Variants in RADIL observed in about 807,000 individuals in gnomAD.
RADIL encodes Rap associating with DIL domain, also known as ras-associating and dilute domain-containing protein.
A neutral mutation model predicts 97.6 loss-of-function variants in RADIL; 99 were observed. The ratio of observed to expected loss-of-function variants is 1.01; its 90% CI spans 0.86 to 1.20. The LOEUF is 1.20. Among genes scored for constraint, RADIL ranks in the 50% most tolerant of loss-of-function variants. RADIL has a pLI of 0.00. For missense variants in RADIL, 1,765 were observed against 1,498.9 expected (o/e 1.18, Z -2.93); for synonymous variants, 803 against 691.8 (o/e 1.16, Z -2.52).
In RADIL at chr7:4,878,107, C is replaced by T. The variant is rs772641809; in HGVS notation, c.33G>A (p.Pro11=). The T allele has an allele frequency of 1.3e-5, 20 of 1,580,588 alleles. No individual in the cohort carries two copies. Among genetic ancestry groups the T allele is most frequent in the Middle Eastern group, 1.7e-4 (1 of 5,990 alleles). The change falls in exon 2 of 15, where the codon CCG becomes CCA. Residue 11 remains proline, a synonymous_variant. Coordinates refer to ENST00000399583, the MANE Select transcript of RADIL (RefSeq NM_018059.5). This position sits in a 1 kb window ranked among gnomAD's most constrained non-coding sequence, Gnocchi z 4.1. MFYGTHFIMS[P]PTKSKLKRQS... is the part of the protein sequence containing the mutation. ...GCCGCTTCAGTTTGCTCTTGGTGGG[C>T]GGGGACATGATGAAGTGCGTCCCAT...
intron 2 of RADIL, among the ~76,000 whole-genome samples, chr7:4,875,178 C>T (rs181708965): frequency 0.069 from 8,089 of 117,056 alleles, 1,029 homozygotes; most frequent in African/African-American, 0.25. Context: ...GGCGACAGAG[C>T]GAGACTCCAT....
In RADIL at chr7:4,835,624, A is replaced by G. The variant is rs562844444; in HGVS notation, c.784-385T>C. On this transcript the variant is annotated intron_variant, in intron 3 of 14. Transcript: ENST00000399583. This position sits in a 1 kb window ranked among gnomAD's most constrained non-coding sequence, Gnocchi z 5.8. ...GCACTGCCGCCTGTGTGGGAGCACC[A>G]CCCCCAGTGTGGGAGCACTGCCGCC... Among the ~76,000 whole-genome samples the G allele has an allele frequency of 2.7e-5, 4 of 150,562 alleles. No individual in the cohort carries two copies. The highest frequency in any genetic ancestry group is 2.0e-4 in the East Asian group (1 of 5,022).
chr7:4,811,281 G>A (rs57839509), intron 9 of RADIL: 2 of 152,156 alleles, frequency 1.3e-5, no homozygotes, highest in Admixed American at 1.3e-4. Context: ...CAATACACTC[G>A]GACCAGCCTG....
chr7:4,875,258 G>A lies in RADIL; in HGVS notation c.535+2347C>T, dbSNP rs1305101514. Among the ~76,000 whole-genome samples, 21 of 131,752 alleles carry A rather than the reference G, an allele frequency of 1.6e-4. 2 individuals are homozygous for A. The highest frequency in any genetic ancestry group is 7.6e-4 in the African/African-American group (20 of 26,416). The allele number at this position is 131,752 out of a possible 152,430, so 86.4% of individuals were successfully genotyped here. A position where few individuals can be genotyped will look rare whatever the true frequency, so the allele number is the denominator to read the frequency against. ...ACAACAAAATTAGCCGGGCGTGGTG[G>A]TGGTGCATGCCGTAATCCCAGCTAT... On this transcript the variant is annotated intron_variant, in intron 2 of 14. Transcript: ENST00000399583.
chr7:4,806,941 A>C (rs553380340), intron 9 of RADIL, among the ~76,000 whole-genome samples: 2 of 152,136 alleles, frequency 1.3e-5, no homozygotes, highest in African/African-American at 4.8e-5. Flanking sequence ...GGTTCTCTGC[A>C]CCCATCGTCC....
At position 4,802,741 on chromosome 7, in the gene RADIL, C is replaced by T. The variant is rs867453321; in HGVS notation, c.2500-746G>A. Among the ~76,000 whole-genome samples the T allele has an allele frequency of 1.6e-3, 142 of 89,214 alleles. 1 individual carries two copies. Among genetic ancestry groups the T allele is most frequent in the Non-Finnish European group, 2.0e-3 (93 of 45,400 alleles). The allele number at this position is 89,214 out of a possible 152,430, so 58.5% of individuals were successfully genotyped here. A position where few individuals can be genotyped will look rare whatever the true frequency, so the allele number is the denominator to read the frequency against. On this transcript the variant is annotated intron_variant, in intron 11 of 14. Transcript: ENST00000399583. ...GGCACCTCGGGGCACGCTGGCTGGGCCCCCTCCCCGGGCACCTCGGGGCAC... is the reference window on the plus strand; with the variant it reads ...GGCACCTCGGGGCACGCTGGCTGGGTCCCCTCCCCGGGCACCTCGGGGCAC...
In RADIL at chr7:4,799,659, G is replaced by C. The variant is rs768704912; in HGVS notation, c.3093C>G (p.Gly1031=). The C allele has an allele frequency of 5.6e-5, 89 of 1,599,778 alleles. 2 individuals are homozygous for C. The South Asian group carries it at 9.6e-4, about 17-fold the overall frequency. The change falls in exon 14 of 15, where the codon GGC becomes GGG. Residue 1031 remains glycine (G), a synonymous_variant. Coordinates refer to ENST00000399583, the MANE Select transcript of RADIL (RefSeq NM_018059.5). ...SLGDRILEVN[G]SSLLGLGYLR... is the part of the protein sequence containing the mutation. Reference sequence around the variant, plus strand: ...GGTAGCCAAGGCCCAGGAGGCTGCTGCCATTCACCTCCAGGATACGGTCCC... The same window carrying C: ...GGTAGCCAAGGCCCAGGAGGCTGCTCCCATTCACCTCCAGGATACGGTCCC...
rs577715932 is a variant in RADIL, at chr7:4,813,400, G to A, written c.2139+1878C>T. Among the ~76,000 whole-genome samples, 5 of 152,272 alleles carry A rather than the reference G, an allele frequency of 3.3e-5. No individual in the cohort carries two copies. The Middle Eastern group carries it at 0.017, about 518-fold the overall frequency. ...TTCCACTCCCCTTTTCAATGCTTTT[G>A]GTTCCGTTTTAAAGCCTCTCTCCAT... On this transcript the variant is annotated intron_variant, in intron 9 of 14. Transcript: ENST00000399583. The surrounding 1 kb of genome is among the most constrained non-coding windows in gnomAD (Gnocchi z 5.0).
chr7:4,859,443 ATAGT>A (rs1783918199), intron 2 of RADIL: 1 of 158,824 alleles, frequency 6.3e-6, no homozygotes, highest in Non-Finnish European at 1.4e-5. Context: ...GTCCTTTGAA[ATAGT>A]TAATGTAACT....
intron 2 of RADIL, among the ~76,000 whole-genome samples, chr7:4,869,329 T>A (rs779056100): frequency 3.2e-4 from 49 of 152,180 alleles, no homozygotes; most frequent in Non-Finnish European, 5.3e-4. Flanking sequence ...AGACAGAGTC[T>A]CATTATGTTG....
chr7:4,859,870 G>A, intron 2 of RADIL: 2 of 1,463,772 alleles, frequency 1.4e-6, no homozygotes, highest in South Asian at 2.5e-5. Context: ...TCTTCTTTAT[G>A]AGGCAAGAAT....
intron 5 of RADIL, among the ~76,000 whole-genome samples, chr7:4,827,385 T>C (rs76319412): frequency 0.38 from 52,133 of 137,370 alleles, 13,851 homozygotes; most frequent in African/African-American, 0.76. Flanking sequence ...AAGGGCCGGG[T>C]GCGGTGGCTC....
intron 5 of RADIL, among the ~76,000 whole-genome samples, chr7:4,826,069 A>G (rs970556681): frequency 6.7e-6 from 1 of 150,332 alleles, no homozygotes; most frequent in Admixed American, 6.6e-5. Flanking sequence ...TAGCCAGGGC[A>G]TGGTGGTGCA....
chr7:4,816,303 C>G lies in RADIL; in HGVS notation c.1891G>C (p.Glu631Gln), dbSNP rs201717102. The G allele has an allele frequency of 5.0e-5, 80 of 1,612,580 alleles. No individual in the cohort carries two copies. The African/African-American group carries it at 6.3e-4, about 13-fold the overall frequency. Reference sequence around the variant, plus strand: ...TAGGCGAGCATCTGCGAGGCCACCTCGGGGTGCACCTGCAGCTGCCGCAGG... The same window carrying G: ...TAGGCGAGCATCTGCGAGGCCACCTGGGGGTGCACCTGCAGCTGCCGCAGG... ...DLLRQLQVHP[E>Q]VASQMLAYLF... The change falls in exon 8 of 15, where the codon GAG (glutamate) becomes CAG (glutamine). Residue 631 changes from glutamate to glutamine, a missense_variant. Glu to Gln is a conservative substitution (Grantham distance 29). Transcript: ENST00000399583.
rs765312628 is a variant in RADIL at position 4,880,423 on chromosome 7, G to A, written c.-64-2220C>T. ...CACACCACACCAGCGGCTTCCAATC[G>A]CCCTCTAGTCTGACCTCAGTCTCCT... On this transcript the variant is annotated intron_variant, in intron 1 of 14. Coordinates refer to ENST00000399583, the MANE Select transcript of RADIL (RefSeq NM_018059.5). This position sits in a 1 kb window ranked among gnomAD's most constrained non-coding sequence, Gnocchi z 4.5. Among the ~76,000 whole-genome samples, 4 of 152,076 alleles carry A rather than the reference G, an allele frequency of 2.6e-5. No individual in the cohort carries two copies. The highest frequency in any genetic ancestry group is 5.9e-5 in the Non-Finnish European group (4 of 68,014).
rs559569878 is a variant in RADIL, at chr7:4,847,526, C to T, written c.536-10921G>A. The stretch of plus-strand genomic sequence containing the variant: ...AAGAGAAGTAAAAAATACACGTCCA[C>T]GCAAATGCTTATGCACAAATGTTCA... On this transcript the variant is annotated intron_variant, in intron 2 of 14. Coordinates refer to ENST00000399583, the MANE Select transcript of RADIL (RefSeq NM_018059.5). 6.5e-4 allele frequency among the ~76,000 whole-genome samples: 99 copies of T among 152,160 alleles called. 1 individual carries two copies. Among genetic ancestry groups the T allele is most frequent in the Middle Eastern group, 3.4e-3 (1 of 294 alleles).
intron 13 of RADIL, 105 bp downstream of exon 13, chr7:4,800,066 G>A (rs982078191): frequency 4.2e-5 from 61 of 1,448,056 alleles, no homozygotes; most frequent in Non-Finnish European, 5.6e-5. Flanking sequence ...CTCCCCGAAG[G>A]CCTTCCTGTA....
Position 4,820,845 on chromosome 7 carries a change from A to T in RADIL, c.1615+1549T>A, listed in dbSNP as rs575545165. Among the ~76,000 whole-genome samples the T allele has an allele frequency of 1.1e-4, 17 of 152,282 alleles. No homozygotes were observed. The East Asian group carries it at 3.3e-3, about 29-fold the overall frequency. ...ACGCATTGTGGGAGCCTGTCCCACC[A>T]CAGGGTCACTGTGCAGATGCCCCGC... On this transcript the variant is annotated intron_variant, in intron 6 of 14. Transcript: ENST00000399583.
At chr7:4,847,951 T>A (rs1474776948) in intron 2 of RADIL, among the ~76,000 whole-genome samples, 1 of 152,044 alleles carries the variant, frequency 6.6e-6, no homozygotes, top group Non-Finnish European at 1.5e-5. Flanking sequence ...ATCCCAGCAC[T>A]TAGGGAGGCC....
Sources: gnomAD v4.1 joint callset for allele counts (sites outside exome capture counted in the v4.1 genomes callset) on GRCh38, gnomAD v4.1.1 for gene constraint, Gnocchi (gnomAD v3.1) non-coding constraint, MANE v1.5 for transcripts, NCBI Gene and HGNC (gene_info 2026-07-23, HGNC 2026-07-21) for gene names.